Variants in ULK4 observed in about 807,000 individuals in gnomAD.
ULK4 encodes unc-51 like kinase 4, also known as inactive serine/threonine-protein kinase ULK4.
ULK4 carries 133 observed loss-of-function variants against 160.6 expected under a neutral mutation model. The ratio of observed to expected loss-of-function variants is 0.83; its 90% CI spans 0.72 to 0.96. ULK4 has a LOEUF of 0.96. Ranked by LOEUF, ULK4 falls within the 40% of genes least tolerant of loss-of-function variation. The probability of loss-of-function intolerance (pLI) is 0.00; values close to 1 mark genes in which losing one functional copy is unlikely to be tolerated. For missense variants in ULK4, 1,580 were observed against 1,499.5 expected, an observed-to-expected ratio of 1.05 and a Z score of -0.89; for synonymous variants, 534 against 539.8, an observed-to-expected ratio of 0.99 and a Z score of 0.15.
chr3:41,628,740 A>G (rs1176435683), intron 30 of ULK4, among the ~76,000 whole-genome samples: 1 of 152,200 alleles, frequency 6.6e-6, no homozygotes, highest in Non-Finnish European at 1.5e-5. Context: ...TATCAATGTT[A>G]ATTTCCTGAT....
intron 25 of ULK4, among the ~76,000 whole-genome samples, chr3:41,711,390 T>C (rs1362402030): frequency 1.3e-5 from 2 of 152,042 alleles, no homozygotes; most frequent in Admixed American, 6.5e-5. Context: ...TCAATATCAT[T>C]CAGTGATCCC....
chr3:41,749,299 G>A (rs1419308694), intron 22 of ULK4, among the ~76,000 whole-genome samples: 1 of 152,046 alleles, frequency 6.6e-6, no homozygotes, highest in Non-Finnish European at 1.5e-5. Flanking sequence ...TCTGGTCAAC[G>A]TGGTGAAACC....
intron 32 of ULK4, among the ~76,000 whole-genome samples, chr3:41,519,508 T>C (rs1463594559): frequency 1.3e-5 from 2 of 152,218 alleles, no homozygotes; most frequent in Admixed American, 6.5e-5. Context: ...GAAGAGACAT[T>C]TGATGTTCCT....
At chr3:41,865,997 T>A (rs745974984) in intron 17 of ULK4, among the ~76,000 whole-genome samples, 1 of 152,138 alleles carries the variant, frequency 6.6e-6, no homozygotes, top group African/African-American at 2.4e-5. Flanking sequence ...AGAGAAAATA[T>A]TGCCAACCAT....
At chr3:41,752,470 A>C (rs547504428) in intron 22 of ULK4, among the ~76,000 whole-genome samples, 13 of 152,328 alleles carry the variant, frequency 8.5e-5, no homozygotes, top group African/African-American at 2.9e-4. Flanking sequence ...GACATTGGAC[A>C]AGGAAAACCA....
intron 34 of ULK4, among the ~76,000 whole-genome samples, chr3:41,439,811 T>C (rs1466360780): frequency 6.6e-6 from 1 of 152,198 alleles, no homozygotes; most frequent in Non-Finnish European, 1.5e-5. Flanking sequence ...CACATCAATT[T>C]TGGGAGAACT....
chr3:41,451,736 A>G (rs1321154852), intron 34 of ULK4, among the ~76,000 whole-genome samples: 2 of 152,206 alleles, frequency 1.3e-5, no homozygotes, highest in African/African-American at 4.8e-5. Flanking sequence ...TTGGTAGTAC[A>G]GACTAATAAA....
chr3:41,310,859 G>A (rs2080034038), intron 35 of ULK4, among the ~76,000 whole-genome samples: 1 of 152,082 alleles, frequency 6.6e-6, no homozygotes, highest in African/African-American at 2.4e-5. Context: ...TATGTGTGGT[G>A]ATATGTGCCT....
intron 31 of ULK4, among the ~76,000 whole-genome samples, chr3:41,578,391 C>G (rs1161561339): frequency 6.6e-6 from 1 of 152,192 alleles, no homozygotes; most frequent in African/African-American, 2.4e-5. Flanking sequence ...TTCTTAGACT[C>G]TACTTAGATA....
intron 32 of ULK4, among the ~76,000 whole-genome samples, chr3:41,531,866 A>G (rs1193334183): frequency 1.3e-5 from 2 of 152,220 alleles, no homozygotes; most frequent in East Asian, 1.9e-4. Context: ...AACCCCAGAT[A>G]GATTCTCACA....
intron 22 of ULK4, among the ~76,000 whole-genome samples, chr3:41,741,997 G>T (rs1559521149): frequency 6.6e-6 from 1 of 151,864 alleles, no homozygotes; most frequent in East Asian, 1.9e-4. Context: ...ATTTTCCCTG[G>T]CCAAAGGATC....
intron 30 of ULK4, among the ~76,000 whole-genome samples, chr3:41,657,604 G>A (rs2034986365): frequency 6.6e-6 from 1 of 151,936 alleles, no homozygotes; most frequent in Admixed American, 6.6e-5. Context: ...TGGACCATGA[G>A]GTTAGGAGTT....
At chr3:41,701,282 A>G (rs535184365) in intron 27 of ULK4, among the ~76,000 whole-genome samples, 20 of 152,224 alleles carry the variant, frequency 1.3e-4, no homozygotes, top group African/African-American at 4.6e-4. Flanking sequence ...CATCATAGTG[A>G]ATCTACAGAA....
chr3:41,876,013 C>T (rs1181567969), intron 17 of ULK4, among the ~76,000 whole-genome samples: 3 of 149,192 alleles, frequency 2.0e-5, no homozygotes, highest in Admixed American at 2.0e-4. Context: ...AGCGTCCAGA[C>T]CTAACCTACA....
At chr3:41,385,513 C>T (rs1284781323) in intron 35 of ULK4, among the ~76,000 whole-genome samples, 2 of 152,082 alleles carry the variant, frequency 1.3e-5, no homozygotes, top group Non-Finnish European at 2.9e-5. Flanking sequence ...GCCTGGGCAA[C>T]AGAGTGAAAT....
At chr3:41,289,912 G>A (rs2079530095) in intron 35 of ULK4, among the ~76,000 whole-genome samples, 1 of 152,050 alleles carries the variant, frequency 6.6e-6, no homozygotes, top group South Asian at 2.1e-4. Context: ...TTTTGCTCTT[G>A]TTGCCCAGGC....
chr3:41,662,928 A>T (rs1002709064), intron 30 of ULK4, among the ~76,000 whole-genome samples: 17 of 152,168 alleles, frequency 1.1e-4, no homozygotes, highest in Non-Finnish European at 1.8e-4. Context: ...AATAAAAAAA[A>T]AAAGTATGTC....
At chr3:41,571,761 G>A (rs1271580) in intron 31 of ULK4, among the ~76,000 whole-genome samples, 65,819 of 152,088 alleles carry the variant, frequency 0.43, 15,378 homozygotes, top group Middle Eastern at 0.55. Context: ...ATCCCAGGGT[G>A]AAAGGGCAAT....
intron 34 of ULK4, among the ~76,000 whole-genome samples, chr3:41,404,702 TAA>T (rs1365546712): frequency 2.6e-5 from 4 of 152,180 alleles, no homozygotes; most frequent in African/African-American, 7.2e-5. Context: ...AGATTCCTTA[TAA>T]AAGGACAAGT....
Sources: allele counts gnomAD v4.1 joint callset (sites outside exome capture counted in the v4.1 genomes callset), GRCh38; gene constraint gnomAD v4.1.1; transcripts MANE v1.5; gene names NCBI Gene and HGNC (gene_info 2026-07-23, HGNC 2026-07-21).